RALGAPA2: variants seen among roughly 807,000 people sequenced by gnomAD.
The protein encoded by RALGAPA2 is ral GTPase-activating protein subunit alpha-2.
A neutral mutation model predicts 230.4 loss-of-function variants in RALGAPA2; 139 were observed. The ratio of observed to expected loss-of-function variants is 0.60; its 90% confidence interval spans 0.53 to 0.69. RALGAPA2 has a LOEUF of 0.69. Among genes scored for constraint, RALGAPA2 ranks in the 30% least tolerant of loss-of-function variants. The probability of loss-of-function intolerance (pLI) is 0.00; values close to 1 mark genes in which losing one functional copy is unlikely to be tolerated. For synonymous variants in RALGAPA2, 847 were observed against 837.8 expected, an observed-to-expected ratio of 1.01 and a Z score of -0.19; for missense variants, 2,163 against 2,276.0, an observed-to-expected ratio of 0.95 and a Z score of 1.01.
chr20:20,447,261 T>C (rs1335731959), intron 37 of RALGAPA2, among the ~76,000 whole-genome samples: 1 of 152,192 alleles, frequency 6.6e-6, no homozygotes, highest in Non-Finnish European at 1.5e-5. Flanking sequence ...CAAAGATGCA[T>C]TTCATTTGTT....
At chr20:20,657,730 A>G (rs2067639009) in intron 3 of RALGAPA2, among the ~76,000 whole-genome samples, 2 of 152,186 alleles carry the variant, frequency 1.3e-5, no homozygotes. Context: ...TTCTCCTTTA[A>G]GGGACCTGGC....
chr20:20,595,581 A>G (rs1602993846), intron 16 of RALGAPA2, among the ~76,000 whole-genome samples: 1 of 152,178 alleles, frequency 6.6e-6, no homozygotes, highest in Non-Finnish European at 1.5e-5. Context: ...TACTATTACA[A>G]TATTCCTAAA....
At chr20:20,563,796 C>T in intron 23 of RALGAPA2, among the ~76,000 whole-genome samples, 1 of 152,030 alleles carries the variant, frequency 6.6e-6, no homozygotes, top group Admixed American at 6.6e-5. Flanking sequence ...CTACATCCTA[C>T]CTCTCCAACA....
At chr20:20,709,318 CA>C (rs111600711) in intron 1 of RALGAPA2, among the ~76,000 whole-genome samples, 181 of 139,934 alleles carry the variant, frequency 1.3e-3, no homozygotes, top group South Asian at 4.0e-3. Context: ...GACTCCATCT[CA>C]AAAAAAAAAA....
intron 37 of RALGAPA2, among the ~76,000 whole-genome samples, chr20:20,423,924 A>C (rs2060327771): frequency 6.6e-6 from 1 of 152,240 alleles, no homozygotes; most frequent in Non-Finnish European, 1.5e-5. Flanking sequence ...AAAAAGAAGA[A>C]AATACCATAT....
chr20:20,536,704 C>A lies in RALGAPA2; in HGVS notation c.3366G>T (p.Gln1122His). The A allele has an allele frequency of 6.2e-7, 1 of 1,613,158 alleles. No individual in the cohort carries two copies. Among genetic ancestry groups the A allele is most frequent in the Non-Finnish European group, 8.5e-7 (1 of 1,179,314 alleles). ...PNTYQEIPLL[Q>H]SVPEVNEAIT... ...TGGCCTCATTTACTTCTGGCACTGACTGCAGTAAAGGAATCTCCTGGTAGG... is the reference window on the plus strand; with the variant it reads ...TGGCCTCATTTACTTCTGGCACTGAATGCAGTAAAGGAATCTCCTGGTAGG... Residue 1122 changes from glutamine to histidine, a missense_variant, in exon 25 of 40, where the codon CAG becomes CAT. Physicochemically the swap from Gln to His is conservative, Grantham distance 24. Transcript: ENST00000202677.
chr20:20,554,803 T>G (rs1490787833), intron 23 of RALGAPA2, among the ~76,000 whole-genome samples: 1 of 152,168 alleles, frequency 6.6e-6, no homozygotes, highest in Non-Finnish European at 1.5e-5. Flanking sequence ...CGTGCCTGGC[T>G]GTGTAAGACT....
At chr20:20,633,557 C>T (rs557684485) in intron 9 of RALGAPA2, among the ~76,000 whole-genome samples, 12 of 152,264 alleles carry the variant, frequency 7.9e-5, no homozygotes, top group African/African-American at 2.9e-4. Flanking sequence ...GCGCGATCTC[C>T]GCTCAGTGCA....
chr20:20,578,315 A>G (rs1183896015), intron 20 of RALGAPA2, among the ~76,000 whole-genome samples: 1 of 152,078 alleles, frequency 6.6e-6, no homozygotes, highest in Non-Finnish European at 1.5e-5. Flanking sequence ...AATTTAAGAG[A>G]CTTCAGACAA....
chr20:20,450,273 T>C (rs2123151564), intron 37 of RALGAPA2, among the ~76,000 whole-genome samples: 1 of 152,356 alleles, frequency 6.6e-6, no homozygotes, highest in East Asian at 1.9e-4. Flanking sequence ...AGTAAGAATA[T>C]TTAAACTTAA....
rs541846774 is a variant in RALGAPA2, at chr20:20,663,369, G to A, written c.271-9782C>T. On this transcript the variant is annotated intron_variant, in intron 3 of 39. Coordinates refer to ENST00000202677, the MANE Select transcript of RALGAPA2 (RefSeq NM_020343.4). ...CAAGGGATGCCTGAAACCACAGATA[G>A]TACCAAACCCTATATACACTGTGCA... is the stretch of plus-strand genomic sequence containing the variant. Among the ~76,000 whole-genome samples the A allele has an allele frequency of 1.4e-4, 21 of 152,236 alleles. No homozygotes were observed. In the South Asian group the frequency reaches 4.4e-3, roughly 32 times the overall value.
intron 36 of RALGAPA2, among the ~76,000 whole-genome samples, chr20:20,477,045 T>G (rs1247912350): frequency 6.6e-6 from 1 of 152,156 alleles, no homozygotes; most frequent in Non-Finnish European, 1.5e-5. Flanking sequence ...AAAGTCAGAA[T>G]AGTGGCCACT....
At chr20:20,622,165 A>G (rs748926686) in intron 10 of RALGAPA2, among the ~76,000 whole-genome samples, 4 of 152,222 alleles carry the variant, frequency 2.6e-5, no homozygotes, top group Admixed American at 6.5e-5. Context: ...AATATCTAGA[A>G]TGAACTATGA....
chr20:20,651,431 C>T (rs1001726341), intron 4 of RALGAPA2, among the ~76,000 whole-genome samples: 2 of 152,142 alleles, frequency 1.3e-5, no homozygotes, highest in Non-Finnish European at 2.9e-5. Context: ...CTTTACAGCA[C>T]CAGCTTGTTC....
At chr20:20,632,191 A>AT (rs2066698950) in intron 9 of RALGAPA2, among the ~76,000 whole-genome samples, 1 of 151,418 alleles carries the variant, frequency 6.6e-6, no homozygotes, top group African/African-American at 2.4e-5. Context: ...TGCCCAGCTA[A>AT]TTTTTTTGTA....
chr20:20,510,475 A>T (rs2062669881), intron 33 of RALGAPA2, among the ~76,000 whole-genome samples: 1 of 152,162 alleles, frequency 6.6e-6, no homozygotes, highest in Non-Finnish European at 1.5e-5. Context: ...CTGAATTTTT[A>T]ATTTGAGAGC....
chr20:20,635,987 T>C (rs1379901915), intron 8 of RALGAPA2, among the ~76,000 whole-genome samples: 1 of 152,186 alleles, frequency 6.6e-6, no homozygotes, highest in Non-Finnish European at 1.5e-5. Flanking sequence ...AATGTAAAAG[T>C]ATATATGAAC....
In RALGAPA2 at chr20:20,474,928, C is replaced by T. The variant is rs150728034; in HGVS notation, c.5368-1972G>A. On this transcript the variant is annotated intron_variant, in intron 36 of 39. Transcript: ENST00000202677. ...CAACAAAAGATCAAGAAAAGAGACT[C>T]AATGACTATATCCTCTGGCCTTCCA... 5.9e-5 allele frequency among the ~76,000 whole-genome samples: 9 copies of T among 152,212 alleles called. No individual in the cohort carries two copies. The East Asian group carries it at 1.7e-3, about 29-fold the overall frequency.
At chr20:20,509,872 A>C (rs2062650900) in intron 33 of RALGAPA2, among the ~76,000 whole-genome samples, 1 of 152,130 alleles carries the variant, frequency 6.6e-6, no homozygotes, top group Non-Finnish European at 1.5e-5. Context: ...TTACCAAAGG[A>C]CCTTTCTGAA....
Sources: gnomAD v4.1 joint callset for allele counts (sites outside exome capture counted in the v4.1 genomes callset) on GRCh38, gnomAD v4.1.1 for gene constraint, MANE v1.5 for transcripts, NCBI Gene and HGNC (gene_info 2026-07-23, HGNC 2026-07-21) for gene names.